GPHN: variants seen among roughly 807,000 people sequenced by gnomAD.
GPHN encodes gephyrin.
GPHN carries 17 observed loss-of-function variants against 95.5 expected under a neutral mutation model. That is an observed-to-expected ratio of 0.18 (90% CI 0.12 to 0.27). GPHN has a LOEUF of 0.27. Among genes scored for constraint, GPHN ranks in the 10% least tolerant of loss-of-function variants. The probability of loss-of-function intolerance (pLI) is 1.00; values close to 1 mark genes in which losing one functional copy is unlikely to be tolerated. For missense variants in GPHN, 660 were observed against 978.1 expected (o/e 0.67, Z 4.34); for synonymous variants, 320 against 322.5 (o/e 0.99, Z 0.08).
At chr14:67,262,959 T>TA in the GPHN span, among the ~76,000 whole-genome samples, 4 of 152,048 alleles carry the variant, frequency 2.6e-5, no homozygotes, top group African/African-American at 9.7e-5. Context: ...CTAGTGCCTT[T>TA]AAAAAAAACT....
chr14:66,901,198 AT>A (rs1174846211), intron 5 of GPHN, among the ~76,000 whole-genome samples: 2 of 151,906 alleles, frequency 1.3e-5, no homozygotes, highest in East Asian at 3.9e-4. Context: ...TAGTTTGCTC[AT>A]TTTTTAATTG....
intron 2 of GPHN, among the ~76,000 whole-genome samples, chr14:66,724,103 C>G (rs547410929): frequency 1.3e-5 from 2 of 151,970 alleles, no homozygotes; most frequent in African/African-American, 2.4e-5. Context: ...GTGAACTCAA[C>G]TGGTTTATAT....
intron 11 of GPHN, among the ~76,000 whole-genome samples, chr14:67,068,821 G>A (rs982879560): frequency 3.3e-5 from 5 of 152,144 alleles, no homozygotes; most frequent in Non-Finnish European, 5.9e-5. Flanking sequence ...CAGCACAAAG[G>A]CACATGTTCC....
At chr14:67,455,240 C>A in the GPHN span, among the ~76,000 whole-genome samples, 1 of 152,188 alleles carries the variant, frequency 6.6e-6, no homozygotes, top group Non-Finnish European at 1.5e-5. Context: ...TGTAGCCCTG[C>A]GGCCCACCCT....
At chr14:67,059,228 TA>T (rs201373148) in intron 11 of GPHN, among the ~76,000 whole-genome samples, 11 of 151,282 alleles carry the variant, frequency 7.3e-5, no homozygotes, top group South Asian at 2.1e-4. Flanking sequence ...TGTAAAAATG[TA>T]AAAAAAAATA....
Position 66,508,476 on chromosome 14 carries a change from C to T in GPHN, c.-52C>T, listed in dbSNP as rs2057880145. 2 of 1,572,614 alleles carry T rather than the reference C, an allele frequency of 1.3e-6. No individual in the cohort carries two copies. The highest frequency in any genetic ancestry group is 1.3e-5 in the African/African-American group (1 of 74,158). ...GAGCGCGCTCCCGGCCCGCGCGCTCCGGGCTCCGGTTTCTCCCGGCTCCTG... is the reference window on the plus strand; with the variant it reads ...GAGCGCGCTCCCGGCCCGCGCGCTCTGGGCTCCGGTTTCTCCCGGCTCCTG... On this transcript the variant is annotated 5_prime_UTR_variant, in exon 1 of 23. Coordinates refer to ENST00000478722, the MANE Select transcript of GPHN (RefSeq NM_020806.5).
chr14:67,540,795 G>A, the GPHN span, among the ~76,000 whole-genome samples: 2 of 152,084 alleles, frequency 1.3e-5, no homozygotes, highest in Non-Finnish European at 2.9e-5. Context: ...CCTGATGATG[G>A]ATGTGTCTCC....
chr14:67,718,861 CTTTA>C, the GPHN span, among the ~76,000 whole-genome samples: 9,696 of 152,204 alleles, frequency 0.064, 977 homozygotes, highest in African/African-American at 0.21. Context: ...TGAGAAATAG[CTTTA>C]TTTGTGATAC....
chr14:67,701,316 T>C, the GPHN span, among the ~76,000 whole-genome samples: 2 of 151,704 alleles, frequency 1.3e-5, no homozygotes, highest in African/African-American at 4.8e-5. Context: ...TATTTTAACA[T>C]AGAGGACCAA....
chr14:67,622,123 GTTC>G, the GPHN span, among the ~76,000 whole-genome samples: 1 of 152,052 alleles, frequency 6.6e-6, no homozygotes, highest in South Asian at 2.1e-4. Flanking sequence ...TGGCAGGAAG[GTTC>G]TTCTTTATAT....
At chr14:67,214,117 G>C in the GPHN span, among the ~76,000 whole-genome samples, 18 of 152,196 alleles carry the variant, frequency 1.2e-4, no homozygotes, top group South Asian at 1.2e-3. Context: ...TTATAGGTTG[G>C]CTGTTCACTC....
At chr14:67,379,648 C>CTTTTACTTTTTTTTTTT in the GPHN span, among the ~76,000 whole-genome samples, 1 of 135,324 alleles carries the variant, frequency 7.4e-6, no homozygotes, top group African/African-American at 3.1e-5. Flanking sequence ...TTCTTTTTTT[C>CTTTTACTTTTTTTTTTT]TTTTTCTTTT....
chr14:66,898,431 T>C (rs1011532023), intron 5 of GPHN, among the ~76,000 whole-genome samples: 1 of 145,252 alleles, frequency 6.9e-6, no homozygotes, highest in Non-Finnish European at 1.5e-5. Context: ...TTGGTTTTTG[T>C]GTATGAACGA....
chr14:67,642,809 T>TTTTTTTTC, the GPHN span, among the ~76,000 whole-genome samples: 6 of 133,268 alleles, frequency 4.5e-5, no homozygotes, highest in Non-Finnish European at 8.0e-5. Flanking sequence ...TTTTTTTTTT[T>TTTTTTTTC]TTTTTTTTTT....
At chr14:66,755,731 C>A (rs925483714) in intron 2 of GPHN, among the ~76,000 whole-genome samples, 3 of 151,994 alleles carry the variant, frequency 2.0e-5, no homozygotes, top group Admixed American at 6.6e-5. Context: ...TACTTCCCTC[C>A]CCAAATTAGA....
At chr14:66,702,153 T>C (rs2068613409) in intron 2 of GPHN, among the ~76,000 whole-genome samples, 2 of 152,162 alleles carry the variant, frequency 1.3e-5, no homozygotes, top group African/African-American at 4.8e-5. Context: ...TCCCTGGGCT[T>C]GAACCCCTAG....
At chr14:67,061,138 T>C (rs1333056605) in intron 11 of GPHN, among the ~76,000 whole-genome samples, 1 of 152,080 alleles carries the variant, frequency 6.6e-6, no homozygotes, top group Admixed American at 6.6e-5. Flanking sequence ...ACTTCCCAGG[T>C]TCAAGTGATT....
rs184623629 is a variant in GPHN at position 66,651,245 on chromosome 14, C to G, written c.65-29862C>G. On this transcript the variant is annotated intron_variant, in intron 1 of 22. Transcript: ENST00000478722. ...CCCAAAACTTGCTTACTTGTGTGAC[C>G]TATTCAACCTGCACAGAGAACTCGA... Among the ~76,000 whole-genome samples, 99 of 152,276 alleles carry G rather than the reference C, an allele frequency of 6.5e-4. 1 individual carries two copies. The highest frequency in any genetic ancestry group is 1.1e-3 in the Non-Finnish European group (78 of 68,022).
intron 8 of GPHN, among the ~76,000 whole-genome samples, chr14:66,933,983 T>TA (rs2066963576): frequency 6.6e-6 from 1 of 151,222 alleles, no homozygotes; most frequent in African/African-American, 2.4e-5. Context: ...TACTGAAAAA[T>TA]AAAAAATTAG....
Sources: gnomAD v4.1 joint callset for allele counts (sites outside exome capture counted in the v4.1 genomes callset) on GRCh38, gnomAD v4.1.1 for gene constraint, MANE v1.5 for transcripts, NCBI Gene and HGNC (gene_info 2026-07-23, HGNC 2026-07-21) for gene names.